Variants in ZGPAT observed in about 807,000 individuals in gnomAD.
The protein encoded by ZGPAT is zinc finger CCCH-type with G patch domain-containing protein.
A neutral mutation model predicts 47.9 loss-of-function variants in ZGPAT; 39 were observed. That is an observed-to-expected ratio of 0.81 (90% CI 0.63 to 1.06). ZGPAT has a LOEUF of 1.06. Among genes scored for constraint, ZGPAT ranks in the 50% least tolerant of loss-of-function variants. ZGPAT has a pLI of 0.00. For synonymous variants in ZGPAT, 348 were observed against 292.9 expected, an observed-to-expected ratio of 1.19 and a Z score of -1.92; for missense variants, 717 against 681.4, an observed-to-expected ratio of 1.05 and a Z score of -0.58.
intron 2 of ZGPAT, among the ~76,000 whole-genome samples, chr20:63,728,737 C>T (rs2091868180): frequency 6.6e-6 from 1 of 152,210 alleles, no homozygotes; most frequent in African/African-American, 2.4e-5. Context: ...CCACTTTTAA[C>T]TACGAGGCCT....
Position 63,736,039 on chromosome 20 carries a change from G to C in ZGPAT, c.*120G>C. The C allele has an allele frequency of 7.1e-7, 1 of 1,415,216 alleles. No homozygotes were observed. Among genetic ancestry groups the C allele is most frequent in the Admixed American group, 2.5e-5 (1 of 39,792 alleles). The allele number at this position is 1,415,216 out of a possible 1,614,324, so 87.7% of individuals were successfully genotyped here. On this transcript the variant is annotated 3_prime_UTR_variant, in exon 7 of 7. Transcript: ENST00000355969. ...CTGGGGCGTGCAGACACTGCTGAGTGGAGACAGAGCTGCGGGGTCCCATCT... is the reference window on the plus strand; with the variant it reads ...CTGGGGCGTGCAGACACTGCTGAGTCGAGACAGAGCTGCGGGGTCCCATCT...
At chr20:63,733,075 A>AGTGT (rs540031395) in intron 2 of ZGPAT, 144 bp from the exon 3 acceptor site, 1 of 1,009,014 alleles carries the variant, frequency 9.9e-7, no homozygotes, top group Non-Finnish European at 1.4e-6. Context: ...TGTGTGCGTG[A>AGTGT]GTGTGTGAGA....
chr20:63,733,085 A>G, intron 2 of ZGPAT, 134 bp from the exon 3 acceptor site: 1 of 1,129,086 alleles, frequency 8.9e-7, no homozygotes, highest in South Asian at 1.5e-5. Context: ...AGTGTGTGAG[A>G]GTGTGTATGT....
upstream of ZGPAT, chr20:63,707,604 TG>T (rs763497797): frequency 6.4e-4 from 98 of 153,528 alleles, no homozygotes; most frequent in Middle Eastern, 3.4e-3. Context: ...GGGACGGCCC[TG>T]GGGGGAGCGG....
intron 1 of ZGPAT, 102 bp from the exon 2 acceptor site, chr20:63,708,451 G>C: frequency 2.5e-6 from 2 of 805,726 alleles, no homozygotes; most frequent in South Asian, 3.7e-5. Flanking sequence ...CTCTGAGCCG[G>C]TGTCTCCCCG....
At position 63,733,299 on chromosome 20, in the gene ZGPAT, C is replaced by T. The variant is rs748587525; in HGVS notation, c.665C>T (p.Ser222Phe). 6.2e-7 allele frequency: 1 copy of T among 1,613,552 alleles called. No individual in the cohort carries two copies. Among genetic ancestry groups the T allele is most frequent in the Admixed American group, 1.7e-5 (1 of 60,006 alleles). Residue 222 changes from serine (S) to phenylalanine (F), a missense_variant, in exon 3 of 7, where the codon TCT becomes TTT. Coordinates refer to ENST00000355969, the MANE Select transcript of ZGPAT (RefSeq NM_181485.3). ...GACCTGAGCTCCCTGCAGGCCGGCT[C>T]TGCGTGTCTGGCCAAGCACCAGGAT... ...DPDLSSLQAG[S>F]ACLAKHQDGL...
intron 2 of ZGPAT, among the ~76,000 whole-genome samples, chr20:63,713,969 A>G (rs1262577009): frequency 6.6e-6 from 1 of 151,796 alleles, no homozygotes; most frequent in Middle Eastern, 3.2e-3. Context: ...TTTATGCACT[A>G]TTTAGGATTT....
intron 6 of ZGPAT, 100 bp from the exon 7 acceptor site, chr20:63,735,681 T>A: frequency 6.5e-7 from 1 of 1,528,106 alleles, no homozygotes; most frequent in South Asian, 1.2e-5. Context: ...GGGGTCTGCA[T>A]GTTGGAGGAC....
rs1287874569 is a variant in ZGPAT, at chr20:63,708,749, G to A, written c.169G>A (p.Val57Ile). ...GCTCACCGAGGCCAGCCTGGTGTCT[G>A]TCAGGAAGAGCAGCTTGTTGGCCGC... The part of the protein sequence containing the change: ...IELTEASLVS[V>I]RKSSLLAALD... The change falls in exon 2 of 7, where the codon GTC becomes ATC. Residue 57 changes from valine (V) to isoleucine (I), a missense_variant. By Grantham distance (29) the Val-to-Ile change is conservative (BLOSUM62 3). Transcript: ENST00000355969. 8 of 1,612,408 alleles carry A rather than the reference G, an allele frequency of 5.0e-6. No homozygotes were observed. The South Asian group carries it at 6.6e-5, about 13-fold the overall frequency.
chr20:63,720,416 A>G (rs1035019507), intron 2 of ZGPAT, among the ~76,000 whole-genome samples: 2 of 151,910 alleles, frequency 1.3e-5, no homozygotes, highest in African/African-American at 4.8e-5. Context: ...CGGCCTCCCA[A>G]AGTGCTGGAA....
intron 2 of ZGPAT, among the ~76,000 whole-genome samples, chr20:63,725,669 T>A (rs1199914061): frequency 6.6e-6 from 1 of 151,788 alleles, no homozygotes; most frequent in Non-Finnish European, 1.5e-5. Context: ...ATTTGGAGAG[T>A]TTTTACTCAT....
At chr20:63,730,352 G>A (rs1019880202) in intron 2 of ZGPAT, 1 of 152,188 alleles carries the variant, frequency 6.6e-6, no homozygotes, top group African/African-American at 2.4e-5. Context: ...TCCTGGCCTG[G>A]GGAGGTGTAC....
At chr20:63,727,748 C>T (rs971904293) in intron 2 of ZGPAT, among the ~76,000 whole-genome samples, 12 of 150,170 alleles carry the variant, frequency 8.0e-5, no homozygotes, top group African/African-American at 2.7e-4. Flanking sequence ...TTTGAACATA[C>T]TTATAGTAGC....
chr20:63,723,200 G>T (rs2091807087), intron 2 of ZGPAT, among the ~76,000 whole-genome samples: 1 of 138,524 alleles, frequency 7.2e-6, no homozygotes, highest in Non-Finnish European at 1.5e-5. Flanking sequence ...CTCTGACATA[G>T]CTCCATCCTC....
rs753115313 is a variant in ZGPAT, at chr20:63,708,906, C to T, written c.326C>T (p.Ala109Val). ...SGSETVPKAEAGPESAAGGQE... is the reference protein window; with the variant it reads ...SGSETVPKAEVGPESAAGGQE... ...TCAGAGACCGTTCCTAAAGCAGAGG[C>T]GGGGCCAGAATCTGCGGCAGGTGGG... The change falls in exon 2 of 7, where the codon GCG becomes GTG. Residue 109 changes from alanine (A) to valine (V), a missense_variant. By Grantham distance (64) the Ala-to-Val change is moderately conservative. Transcript: ENST00000355969. 1.5e-5 allele frequency: 24 copies of T among 1,611,036 alleles called. No homozygotes were observed. The highest frequency in any genetic ancestry group is 2.0e-5 in the Non-Finnish European group (23 of 1,178,684).
chr20:63,724,363 T>TGA (rs375122843), intron 2 of ZGPAT, among the ~76,000 whole-genome samples: 8,078 of 124,616 alleles, frequency 0.065, 364 homozygotes, highest in Non-Finnish European at 0.098. Context: ...AGACTCTGCC[T>TGA]AAAAAAAAAA....
At chr20:63,722,088 G>C (rs1184887149) in intron 2 of ZGPAT, among the ~76,000 whole-genome samples, 1 of 152,062 alleles carries the variant, frequency 6.6e-6, no homozygotes, top group Non-Finnish European at 1.5e-5. Context: ...GAGTTCGAGG[G>C]GGTGAAACAA....
At chr20:63,728,304 C>T (rs2091864535) in intron 2 of ZGPAT, among the ~76,000 whole-genome samples, 1 of 152,040 alleles carries the variant, frequency 6.6e-6, no homozygotes, top group African/African-American at 2.4e-5. Context: ...TCAAAGTGCT[C>T]GGATTACAGG....
chr20:63,710,034 G>C (rs1568783717), intron 2 of ZGPAT, among the ~76,000 whole-genome samples: 1 of 151,922 alleles, frequency 6.6e-6, no homozygotes, highest in Non-Finnish European at 1.5e-5. Context: ...CTAATTTTCT[G>C]TATTTTTAGT....
Sources: gnomAD v4.1 joint callset for allele counts (sites outside exome capture counted in the v4.1 genomes callset) on GRCh38, gnomAD v4.1.1 for gene constraint, MANE v1.5 for transcripts, NCBI Gene and HGNC (gene_info 2026-07-23, HGNC 2026-07-21) for gene names.